CDC42BPA: variants seen among roughly 807,000 people sequenced by gnomAD.
The protein encoded by CDC42BPA is CDC42 binding protein kinase alpha.
In CDC42BPA, 80 loss-of-function variants were observed where a neutral mutation model predicts 223.5. The observed-to-expected ratio is 0.36, with a 90% CI of 0.30 to 0.43. The LOEUF is 0.43. Ranked by LOEUF, CDC42BPA falls within the 20% of genes least tolerant of loss-of-function variation. CDC42BPA has a pLI of 1.00. For missense variants in CDC42BPA, 1,743 were observed against 2,099.9 expected, an observed-to-expected ratio of 0.83 and a Z score of 3.32; for synonymous variants, 694 against 718.6, an observed-to-expected ratio of 0.97 and a Z score of 0.55.
At chr1:227,034,570 C>A (rs1669897710) in intron 26 of CDC42BPA, 85 bp downstream of exon 26, 23 of 1,261,044 alleles carry the variant, frequency 1.8e-5, no homozygotes, top group Non-Finnish European at 2.5e-5. Flanking sequence ...TTTAAATAAA[C>A]CATGGCAACA....
chr1:227,206,106 T>TA (rs1380747971), intron 3 of CDC42BPA, among the ~76,000 whole-genome samples: 1 of 152,232 alleles, frequency 6.6e-6, no homozygotes, highest in Admixed American at 6.5e-5. Flanking sequence ...AGACAGTGAG[T>TA]GTTTCTGTAA....
intron 35 of CDC42BPA, among the ~76,000 whole-genome samples, chr1:227,002,127 G>A (rs1267521188): frequency 6.6e-6 from 1 of 152,136 alleles, no homozygotes; most frequent in East Asian, 1.9e-4. Context: ...GGATCTTGCT[G>A]GGAATATAAC....
chr1:227,026,966 A>C (rs1668369472), intron 30 of CDC42BPA, among the ~76,000 whole-genome samples: 1 of 151,992 alleles, frequency 6.6e-6, no homozygotes, highest in Admixed American at 6.6e-5. Context: ...AATTAAAGAA[A>C]ATTTTTTATA....
chr1:227,276,753 T>C (rs1558936062), intron 1 of CDC42BPA, among the ~76,000 whole-genome samples: 1 of 152,236 alleles, frequency 6.6e-6, no homozygotes, highest in Non-Finnish European at 1.5e-5. Context: ...TGCCTTGGGA[T>C]GCTGTTAATC....
At chr1:227,197,058 C>T (rs540113417) in intron 4 of CDC42BPA, among the ~76,000 whole-genome samples, 21 of 152,124 alleles carry the variant, frequency 1.4e-4, no homozygotes, top group Admixed American at 5.2e-4. Flanking sequence ...AGTCTACTTG[C>T]TATAATTGCA....
chr1:227,195,474 G>A (rs1015156880), intron 4 of CDC42BPA, among the ~76,000 whole-genome samples: 3 of 142,058 alleles, frequency 2.1e-5, no homozygotes, highest in African/African-American at 7.8e-5. Flanking sequence ...CCACGTCGGG[G>A]TACCCTAACG....
chr1:227,000,267 T>A (rs2148300115), intron 35 of CDC42BPA, among the ~76,000 whole-genome samples: 1 of 152,270 alleles, frequency 6.6e-6, no homozygotes, highest in Admixed American at 6.5e-5. Context: ...CTTCATTTGT[T>A]GACATATTTC....
intron 15 of CDC42BPA, among the ~76,000 whole-genome samples, chr1:227,096,212 A>T (rs1214410832): frequency 6.6e-6 from 1 of 152,224 alleles, no homozygotes; most frequent in African/African-American, 2.4e-5. Context: ...AAATTTAGTT[A>T]TGTTTAGGAA....
intron 34 of CDC42BPA, among the ~76,000 whole-genome samples, chr1:227,015,830 G>A (rs1223566509): frequency 1.3e-5 from 2 of 152,148 alleles, no homozygotes; most frequent in Non-Finnish European, 2.9e-5. Context: ...GTAAACCTAG[G>A]CATGGGAGAA....
intron 3 of CDC42BPA, among the ~76,000 whole-genome samples, chr1:227,204,153 T>C (rs1672272316): frequency 6.6e-6 from 1 of 152,228 alleles, no homozygotes; most frequent in South Asian, 2.1e-4. Context: ...TTTTCATTTT[T>C]AAAATCTAAA....
chr1:227,251,915 T>C (rs548668157), intron 2 of CDC42BPA, among the ~76,000 whole-genome samples: 20 of 152,160 alleles, frequency 1.3e-4, no homozygotes, highest in African/African-American at 4.3e-4. Flanking sequence ...TTTCTAAATG[T>C]TTAGAAATTT....
At chr1:227,184,391 G>GTT (rs111493441) in intron 5 of CDC42BPA, among the ~76,000 whole-genome samples, 208 of 147,038 alleles carry the variant, frequency 1.4e-3, no homozygotes, top group African/African-American at 4.4e-3. Flanking sequence ...GTTATTTGGG[G>GTT]TTTTTTTTTT....
Position 227,040,142 on chromosome 1 carries a change from C to G in CDC42BPA, c.3188G>C (p.Cys1063Ser), listed in dbSNP as rs749380896. The G allele has an allele frequency of 6.3e-7, 1 of 1,592,966 alleles. No homozygotes were observed. Among genetic ancestry groups the G allele is most frequent in the South Asian group, 1.1e-5 (1 of 90,598 alleles). The change falls in exon 24 of 37, where the codon TGT (cysteine) becomes TCT (serine). Residue 1063 changes from cysteine (C) to serine (S), a missense_variant. By Grantham distance (112) the Cys-to-Ser change is moderately radical. Around this residue, in one of 6 missense-constraint regions of CDC42BPA, gnomAD observed 678 missense variants for 777.5 expected, o/e 0.87. Coordinates refer to ENST00000366766, the MANE Select transcript of CDC42BPA (RefSeq NM_001394014.1). Reference sequence around the variant, plus strand: ...CTTTGTGTTCTTACCTTCACATGAACAGCCCTGTCTTATTAAACCCACCAT... The same window carrying G: ...CTTTGTGTTCTTACCTTCACATGAAGAGCCCTGTCTTATTAAACCCACCAT... ...SLMVGLIRQG[C>S]SCEVCGFSCH...
At chr1:227,056,718 AT>A (rs1164073761) in intron 21 of CDC42BPA, among the ~76,000 whole-genome samples, 1 of 152,146 alleles carries the variant, frequency 6.6e-6, no homozygotes, top group East Asian at 1.9e-4. Context: ...AATTTTCTTT[AT>A]CCTCTAGCTA....
chr1:227,305,902 G>A (rs1276091801), intron 1 of CDC42BPA, among the ~76,000 whole-genome samples: 1 of 152,164 alleles, frequency 6.6e-6, no homozygotes, highest in African/African-American at 2.4e-5. Context: ...GAAGGCGGAG[G>A]CTGCAGTGAG....
chr1:227,152,463 G>C (rs1401135202), intron 6 of CDC42BPA, among the ~76,000 whole-genome samples: 3 of 152,044 alleles, frequency 2.0e-5, no homozygotes, highest in African/African-American at 4.8e-5. Flanking sequence ...TTTTGATAGG[G>C]AATGTGGCAG....
chr1:227,208,702 T>C (rs1215586453), intron 3 of CDC42BPA, among the ~76,000 whole-genome samples: 2 of 151,718 alleles, frequency 1.3e-5, no homozygotes, highest in African/African-American at 4.8e-5. Flanking sequence ...TCTGTTCTGT[T>C]CCACTGATCT....
rs1208546217 is a variant in CDC42BPA, at chr1:227,150,190, C to T, written c.694-2631G>A. The stretch of plus-strand genomic sequence containing the variant: ...AGTGAGCAGAGATGGCATCACTGCA[C>T]TCCAGCCTGGGCGACAAGAGTGAAA... On this transcript the variant is annotated intron_variant, in intron 6 of 36. Transcript: ENST00000366766. 1.3e-5 allele frequency among the ~76,000 whole-genome samples: 2 copies of T among 149,100 alleles called. 1 individual carries two copies. Among genetic ancestry groups the T allele is most frequent in the African/African-American group, 5.0e-5 (2 of 40,324 alleles).
At chr1:227,065,621 G>A (rs899409460) in intron 21 of CDC42BPA, among the ~76,000 whole-genome samples, 2 of 152,080 alleles carry the variant, frequency 1.3e-5, no homozygotes, top group Non-Finnish European at 2.9e-5. Flanking sequence ...CAAAACATGT[G>A]GAGGAAAAAA....
Sources: gnomAD v4.1 joint callset for allele counts (sites outside exome capture counted in the v4.1 genomes callset) on GRCh38, gnomAD v4.1.1 for gene constraint, gnomAD v4.1.1 regional missense constraint, MANE v1.5 for transcripts, NCBI Gene and HGNC (gene_info 2026-07-23, HGNC 2026-07-21) for gene names.